Variants in EP300 observed in about 807,000 individuals in gnomAD.
The protein encoded by EP300 is histone acetyltransferase p300.
A neutral mutation model predicts 264.0 loss-of-function variants in EP300; 31 were observed. The observed-to-expected ratio is 0.12, with a 90% CI of 0.09 to 0.16. The LOEUF (loss-of-function observed/expected upper bound fraction) is 0.16. Ranked by LOEUF, EP300 falls within the 10% of genes least tolerant of loss-of-function variation. The pLI, the probability that EP300 is intolerant of heterozygous loss-of-function variation, is 1.00. For synonymous variants in EP300, 1,340 were observed against 1,045.4 expected (o/e 1.28, Z -5.44); for missense variants, 2,766 against 3,052.9 (o/e 0.91, Z 2.21).
In EP300 at chr22:41,176,387, G is replaced by A. The variant is rs765581834; in HGVS notation, c.4920G>A (p.Glu1640=). 6.8e-6 allele frequency: 11 copies of A among 1,614,238 alleles called. No homozygotes were observed. In the East Asian group the frequency reaches 2.5e-4, roughly 36 times the overall value. Residue 1640 remains glutamate (E), a synonymous_variant, in exon 30 of 31, where the codon GAG becomes GAA. Coordinates refer to ENST00000263253, the MANE Select transcript of EP300 (RefSeq NM_001429.4). ...FLTLARDKHL[E]FSSLRRAQWS... ...CGCTGGCAAGGGACAAGCACCTGGA[G>A]TTCTCTTCACTCCGAAGAGCCCAGT...
At chr22:41,094,086 ACTTC>A (rs1200077400) in intron 1 of EP300, among the ~76,000 whole-genome samples, 1 of 152,162 alleles carries the variant, frequency 6.6e-6, no homozygotes, top group African/African-American at 2.4e-5. Context: ...GTTCAGGGAG[ACTTC>A]TTCCATCATC....
At chr22:41,148,041 A>G in intron 12 of EP300, 95 bp downstream of exon 12, 1 of 863,614 alleles carries the variant, frequency 1.2e-6, no homozygotes, top group Middle Eastern at 2.3e-4. Context: ...AGTCATTTAA[A>G]CAGACCATAA....
rs1318379503 is a variant in EP300, at chr22:41,176,931, G to A, written c.5220G>A (p.Gln1740=). The change falls in exon 31 of 31, where the codon CAG becomes CAA. Residue 1740 remains glutamine (Q), a synonymous_variant. Transcript: ENST00000263253. The part of the protein sequence containing the change: ...SRRLSIQRCI[Q]SLVHACQCRN... ...GCCTGAGTATCCAGCGCTGCATCCAGTCTCTGGTCCATGCTTGCCAGTGTC... is the reference window on the plus strand; with the variant it reads ...GCCTGAGTATCCAGCGCTGCATCCAATCTCTGGTCCATGCTTGCCAGTGTC... 1 of 1,614,180 alleles carries A rather than the reference G, an allele frequency of 6.2e-7. No homozygotes were observed. Among genetic ancestry groups the A allele is most frequent in the South Asian group, 1.1e-5 (1 of 91,084 alleles).
intron 2 of EP300, among the ~76,000 whole-genome samples, chr22:41,123,898 A>G (rs2058866188): frequency 6.6e-6 from 1 of 152,248 alleles, no homozygotes; most frequent in South Asian, 2.1e-4. Flanking sequence ...AATTATTATT[A>G]TAGTATAATG....
At chr22:41,126,729 C>CTTTTTTTT (rs71328775) in intron 3 of EP300, among the ~76,000 whole-genome samples, 620 of 48,824 alleles carry the variant, frequency 0.013, 133 homozygotes, top group Non-Finnish European at 0.015. Flanking sequence ...GAAATGTTCA[C>CTTTTTTTT]TTTTTTTTTT....
chr22:41,097,759 A>T (rs2058709887), intron 1 of EP300, among the ~76,000 whole-genome samples: 1 of 152,190 alleles, frequency 6.6e-6, no homozygotes, highest in Non-Finnish European at 1.5e-5. Flanking sequence ...ATTAATGGGC[A>T]AATGAAACCA....
At chr22:41,125,843 T>C (rs777584709) in intron 2 of EP300, 21 bp from the exon 3 acceptor site, 2 of 1,610,618 alleles carry the variant, frequency 1.2e-6, no homozygotes, top group East Asian at 2.2e-5. Flanking sequence ...TATTTTGTTT[T>C]CTTTTGTTTC....
chr22:41,155,601 A>C (rs1377070288), intron 17 of EP300, among the ~76,000 whole-genome samples: 1 of 152,154 alleles, frequency 6.6e-6, no homozygotes, highest in East Asian at 1.9e-4. Flanking sequence ...ATCTGAAAAA[A>C]ATCCTTTACC....
At chr22:41,097,822 G>A (rs951138638) in intron 1 of EP300, among the ~76,000 whole-genome samples, 7 of 151,468 alleles carry the variant, frequency 4.6e-5, no homozygotes, top group Non-Finnish European at 8.8e-5. Flanking sequence ...GTCTCGCTTT[G>A]TAGCTGGGAC....
rs778796762 is a variant in EP300, at chr22:41,178,817, A to G, written c.7106A>G (p.Gln2369Arg). Residue 2369 changes from glutamine to arginine, a missense_variant, in exon 31 of 31, where the codon CAG (glutamine) becomes CGG (arginine). Physicochemically the swap from Gln to Arg is conservative, Grantham distance 43. Coordinates refer to ENST00000263253, the MANE Select transcript of EP300 (RefSeq NM_001429.4). ...CAAGGGCATTTTGCCAGCCCGGACCAGAATTCAATGCTTTCTCAGCTTGCT... is the reference window on the plus strand; with the variant it reads ...CAAGGGCATTTTGCCAGCCCGGACCGGAATTCAATGCTTTCTCAGCTTGCT... ...MEQGHFASPDQNSMLSQLASN... is the reference protein window; with the variant it reads ...MEQGHFASPDRNSMLSQLASN... The G allele has an allele frequency of 1.9e-6, 3 of 1,614,204 alleles. No individual in the cohort carries two copies. Among genetic ancestry groups the G allele is most frequent in the East Asian group, 2.2e-5 (1 of 44,884 alleles).
intron 18 of EP300, among the ~76,000 whole-genome samples, chr22:41,158,118 C>T (rs748807370): frequency 3.9e-5 from 6 of 152,140 alleles, no homozygotes; most frequent in South Asian, 2.1e-4. Flanking sequence ...CTTGGGCTCA[C>T]GCAGTCTTCC....
At position 41,099,663 on chromosome 22, in the gene EP300, T is replaced by G. The variant is rs1231881353; in HGVS notation, c.94+6565T>G. ...TCATTCCTTATTAAGTCAAGAACTT[T>G]CACCTTCAAGCAATTTACAGCTTCT... is the stretch of plus-strand genomic sequence containing the variant. On this transcript the variant is annotated intron_variant, in intron 1 of 30. Coordinates refer to ENST00000263253, the MANE Select transcript of EP300 (RefSeq NM_001429.4). 2.6e-5 allele frequency among the ~76,000 whole-genome samples: 4 copies of G among 152,228 alleles called. No homozygotes were observed. In the East Asian group the frequency reaches 7.7e-4, roughly 29 times the overall value.
chr22:41,103,526 C>T (rs930522944), intron 1 of EP300, among the ~76,000 whole-genome samples: 1 of 151,918 alleles, frequency 6.6e-6, no homozygotes, highest in South Asian at 2.1e-4. Flanking sequence ...AGGTTTGGAG[C>T]GTTGATGGAA....
chr22:41,170,653 CTTTTTTTTTTTTT>C (rs35506286), intron 27 of EP300, 82 bp downstream of exon 27: 15 of 391,660 alleles, frequency 3.8e-5, no homozygotes, highest in South Asian at 6.6e-5. Flanking sequence ...TGTCATTTAA[CTTTTTTTTTTTTT>C]TTTTTTTTTT....
intron 14 of EP300, among the ~76,000 whole-genome samples, chr22:41,151,403 A>G (rs1259060029): frequency 6.6e-6 from 1 of 152,232 alleles, no homozygotes. Context: ...GATTCAAAAC[A>G]GCCACTCTCT....
intron 30 of EP300, 98 bp downstream of exon 30, chr22:41,176,626 G>A (rs2059202152): frequency 6.2e-7 from 1 of 1,607,380 alleles, no homozygotes; most frequent in South Asian, 1.1e-5. Flanking sequence ...GGGATGCTAG[G>A]GGCTTGGCCT....
At position 41,162,991 on chromosome 22, in the gene EP300, T is replaced by G. The variant is rs7291735; in HGVS notation, c.3728+212T>G. ...ATTTTAATGTTCTTAATGTTGAATG[T>G]GAAACATTAAAGATCTAAACTTCTA... On this transcript the variant is annotated intron_variant, in intron 21 of 30. Coordinates refer to ENST00000263253, the MANE Select transcript of EP300 (RefSeq NM_001429.4). Among the ~76,000 whole-genome samples, 2,657 of 152,304 alleles carry G rather than the reference T, an allele frequency of 0.017. 71 individuals are homozygous for G. Among genetic ancestry groups the G allele is most frequent in the African/African-American group, 0.061 (2,538 of 41,550 alleles).
intron 1 of EP300, among the ~76,000 whole-genome samples, chr22:41,098,535 C>G (rs1312937805): frequency 6.6e-6 from 1 of 152,112 alleles, no homozygotes; most frequent in Non-Finnish European, 1.5e-5. Context: ...CCACACCCGG[C>G]TAATTTTTTG....
At chr22:41,126,226 C>T in intron 3 of EP300, 186 bp downstream of exon 3, 3 of 633,928 alleles carry the variant, frequency 4.7e-6, no homozygotes, top group East Asian at 2.8e-5. Flanking sequence ...TTTTTTGTTC[C>T]ATGTGGTTAT....
Sources: allele counts gnomAD v4.1 joint callset (sites outside exome capture counted in the v4.1 genomes callset), GRCh38; gene constraint gnomAD v4.1.1; transcripts MANE v1.5; gene names NCBI Gene and HGNC (gene_info 2026-07-23, HGNC 2026-07-21).